Variants in LRMDA observed in about 807,000 individuals in gnomAD.
The protein encoded by LRMDA is leucine rich melanocyte differentiation associated.
A neutral mutation model predicts 29.8 loss-of-function variants in LRMDA; 18 were observed. That is an observed-to-expected ratio of 0.60 (90% confidence interval 0.42 to 0.90). The LOEUF (loss-of-function observed/expected upper bound fraction) is 0.90, where lower values mean the gene tolerates loss of function less well. Among genes scored for constraint, LRMDA ranks in the 40% least tolerant of loss-of-function variants. The pLI is 0.00. For synonymous variants in LRMDA, 125 were observed against 109.4 expected (o/e 1.14, Z -0.89); for missense variants, 273 against 273.9 (o/e 1.00, Z 0.02).
At chr10:75,534,229 T>C (rs1423770575) in intron 2 of LRMDA, among the ~76,000 whole-genome samples, 7 of 152,230 alleles carry the variant, frequency 4.6e-5, no homozygotes, top group Non-Finnish European at 1.0e-4. Context: ...CCTGTGTCTG[T>C]TTGAGATTCA....
chr10:75,666,982 G>A (rs1841829948), intron 2 of LRMDA, among the ~76,000 whole-genome samples: 1 of 152,152 alleles, frequency 6.6e-6, no homozygotes, highest in East Asian at 1.9e-4. Flanking sequence ...TTTCCTGAAA[G>A]GCAGCTAGGA....
chr10:76,389,476 T>C (rs1274525422), intron 6 of LRMDA, among the ~76,000 whole-genome samples: 2 of 152,206 alleles, frequency 1.3e-5, no homozygotes, highest in Non-Finnish European at 2.9e-5. Flanking sequence ...TAGTAAAATA[T>C]ATAAAACTTA....
In LRMDA at chr10:76,516,781, C is replaced by T. The variant is rs111707872; in HGVS notation, c.602-40428C>T. On this transcript the variant is annotated intron_variant, in intron 6 of 6. Coordinates refer to ENST00000611255, the MANE Select transcript of LRMDA (RefSeq NM_001305581.2). ...GGTTGGTTCCAAGTCTTTGCTATTGCGAATAGTGCCACAATAAACATACGT... is the reference window on the plus strand; with the variant it reads ...GGTTGGTTCCAAGTCTTTGCTATTGTGAATAGTGCCACAATAAACATACGT... Among the ~76,000 whole-genome samples, 343 of 152,134 alleles carry T rather than the reference C, an allele frequency of 2.3e-3. 2 individuals carry two copies. The highest frequency in any genetic ancestry group is 0.01 in the Middle Eastern group (3 of 294).
At chr10:75,984,397 G>C (rs1847226905) in intron 2 of LRMDA, among the ~76,000 whole-genome samples, 1 of 152,202 alleles carries the variant, frequency 6.6e-6, no homozygotes, top group Non-Finnish European at 1.5e-5. Context: ...CAAGGCCATG[G>C]AGCCGTCAAC....
chr10:75,441,405 A>G (rs532828954), intron 2 of LRMDA, among the ~76,000 whole-genome samples: 1 of 152,054 alleles, frequency 6.6e-6, no homozygotes, highest in South Asian at 2.1e-4. Context: ...CACACCCTTC[A>G]TTTCTCCAAA....
chr10:76,203,497 T>G (rs1851470467), intron 5 of LRMDA, among the ~76,000 whole-genome samples: 2 of 152,232 alleles, frequency 1.3e-5, no homozygotes, highest in Admixed American at 6.5e-5. Flanking sequence ...AATATATATT[T>G]AATTTTTGGT....
chr10:76,036,350 A>T (rs1364685948), intron 3 of LRMDA, among the ~76,000 whole-genome samples: 2 of 152,250 alleles, frequency 1.3e-5, no homozygotes, highest in African/African-American at 4.8e-5. Flanking sequence ...CATAAATGAA[A>T]CGCACCATTA....
chr10:76,302,361 C>T (rs1184833488), intron 5 of LRMDA, among the ~76,000 whole-genome samples: 1 of 152,116 alleles, frequency 6.6e-6, no homozygotes, highest in East Asian at 1.9e-4. Context: ...CACTATCTTC[C>T]CTGGGGGGTG....
At chr10:76,378,858 C>CTTTTTTTTTTTTTTTTTTTTCT (rs144037195) in intron 6 of LRMDA, among the ~76,000 whole-genome samples, 1 of 118,966 alleles carries the variant, frequency 8.4e-6, no homozygotes, top group African/African-American at 3.3e-5. Flanking sequence ...CTTTTTTTTT[C>CTTTTTTTTTTTTTTTTTTTTCT]TTTTTTTTTT....
intron 6 of LRMDA, among the ~76,000 whole-genome samples, chr10:76,517,281 C>T (rs139182949): frequency 2.0e-5 from 3 of 152,068 alleles, no homozygotes; most frequent in African/African-American, 7.2e-5. Context: ...CTTAAAAGCC[C>T]CACCTAACCA....
chr10:75,757,310 A>C (rs992968380), intron 2 of LRMDA, among the ~76,000 whole-genome samples: 1 of 152,202 alleles, frequency 6.6e-6, no homozygotes, highest in Non-Finnish European at 1.5e-5. Context: ...AGGAGGATTT[A>C]GGAAATTGTA....
intron 5 of LRMDA, among the ~76,000 whole-genome samples, chr10:76,098,291 T>A (rs1455747263): frequency 6.6e-6 from 1 of 152,216 alleles, no homozygotes; most frequent in Admixed American, 6.5e-5. Flanking sequence ...TATAGATACA[T>A]TCATTAGACA....
chr10:76,157,306 A>G (rs1045009933), intron 5 of LRMDA, among the ~76,000 whole-genome samples: 1 of 152,182 alleles, frequency 6.6e-6, no homozygotes, highest in African/African-American at 2.4e-5. Context: ...AAATTGAAGA[A>G]TGGCACAGCT....
At chr10:75,886,602 A>T (rs143591245) in intron 2 of LRMDA, among the ~76,000 whole-genome samples, 2 of 152,226 alleles carry the variant, frequency 1.3e-5, no homozygotes, top group Non-Finnish European at 2.9e-5. Context: ...CAGTCAACCA[A>T]GTTGAGTTAT....
At chr10:75,956,603 T>G (rs74149829) in intron 2 of LRMDA, among the ~76,000 whole-genome samples, 2,723 of 152,246 alleles carry the variant, frequency 0.018, 63 homozygotes, top group East Asian at 0.063. Context: ...CTAATGCCCG[T>G]AGTCTTTCTC....
intron 5 of LRMDA, among the ~76,000 whole-genome samples, chr10:76,228,003 G>A (rs961703354): frequency 4.6e-5 from 7 of 150,696 alleles, no homozygotes; most frequent in Admixed American, 3.3e-4. Context: ...GGCATGGAAG[G>A]TTCTTAATGG....
intron 5 of LRMDA, among the ~76,000 whole-genome samples, chr10:76,301,475 G>A (rs1840479231): frequency 6.6e-6 from 1 of 152,166 alleles, no homozygotes; most frequent in Non-Finnish European, 1.5e-5. Context: ...ACAGATCATT[G>A]CCCTTGGATT....
chr10:76,365,107 T>TATATACAC lies in LRMDA; in HGVS notation c.601+40623_601+40624insTATACACA, dbSNP rs141131236. Among the ~76,000 whole-genome samples, 33 of 61,236 alleles carry TATATACAC rather than the reference T, an allele frequency of 5.4e-4. 3 individuals carry two copies. The highest frequency in any genetic ancestry group is 9.5e-4 in the Non-Finnish European group (22 of 23,072). The allele number at this position is 61,236 out of a possible 152,430, so 40.2% of individuals were successfully genotyped here. A position where few individuals can be genotyped will look rare whatever the true frequency, so the allele number is the denominator to read the frequency against. On this transcript the variant is annotated intron_variant, in intron 6 of 6. Coordinates refer to ENST00000611255, the MANE Select transcript of LRMDA (RefSeq NM_001305581.2). The stretch of plus-strand genomic sequence containing the variant: ...ACACATATATATATATATATATATA[T>TATATACAC]ACACACACACACATACACACCACAG...
intron 2 of LRMDA, among the ~76,000 whole-genome samples, chr10:75,497,513 T>G (rs1845061072): frequency 6.6e-6 from 1 of 152,082 alleles, no homozygotes; most frequent in African/African-American, 2.4e-5. Context: ...TCTGTGAGTT[T>G]TGATAAATAC....
Sources: allele counts gnomAD v4.1 joint callset (sites outside exome capture counted in the v4.1 genomes callset), GRCh38; gene constraint gnomAD v4.1.1; transcripts MANE v1.5; gene names NCBI Gene and HGNC (gene_info 2026-07-23, HGNC 2026-07-21).